ADAM23: variants seen among roughly 807,000 people sequenced by gnomAD.
ADAM23 encodes the protein disintegrin and metalloproteinase domain-containing protein 23.
In ADAM23, 33 loss-of-function variants were observed where a neutral mutation model predicts 120.1. The ratio of observed to expected loss-of-function variants is 0.27; its 90% CI spans 0.21 to 0.37. The LOEUF is 0.37. Among genes scored for constraint, ADAM23 ranks in the 10% least tolerant of loss-of-function variants. The pLI is 1.00. For synonymous variants in ADAM23, 367 were observed against 375.2 expected (o/e 0.98, Z 0.25); for missense variants, 862 against 1,058.2 (o/e 0.81, Z 2.57).
At chr2:206,594,633 C>T in intron 22 of ADAM23, 104 bp from the exon 23 acceptor site, 1 of 1,295,698 alleles carries the variant, frequency 7.7e-7, no homozygotes, top group Non-Finnish European at 1.1e-6. Flanking sequence ...GAGAAATCCA[C>T]ATCCACTGAC....
In ADAM23 at chr2:206,513,430, G is replaced by A. The variant is rs188449420; in HGVS notation, c.510-17455G>A. On this transcript the variant is annotated intron_variant, in intron 3 of 25. Transcript: ENST00000264377. ...CAAAACATTCCATTCAGTGAAAGCT[G>A]AATCCAGAGCATATCTCCCCTCAAT... Among the ~76,000 whole-genome samples, 126 of 152,254 alleles carry A rather than the reference G, an allele frequency of 8.3e-4. 1 individual carries two copies. The South Asian group carries it at 0.015, about 18-fold the overall frequency.
chr2:206,452,887 C>T (rs749641331), intron 2 of ADAM23, among the ~76,000 whole-genome samples: 3 of 152,158 alleles, frequency 2.0e-5, no homozygotes, highest in Admixed American at 6.5e-5. Flanking sequence ...ATGACTCCAT[C>T]CCTCCCCTCT....
chr2:206,547,319 CAT>C, intron 6 of ADAM23, 108 bp from the exon 7 acceptor site: 4 of 784,188 alleles, frequency 5.1e-6, no homozygotes, highest in East Asian at 2.8e-5. Flanking sequence ...AAAAAACTGA[CAT>C]ATAAATATTC....
At position 206,599,165 on chromosome 2, in the gene ADAM23, A is replaced by G. The variant is rs190654298; in HGVS notation, c.2359+3003A>G. ...GGTTACAGTGAGCCGAGATCGTGCC[A>G]TTGTACTCCAGCCTGGGTAACAGAG... is the stretch of plus-strand genomic sequence containing the variant. On this transcript the variant is annotated intron_variant, in intron 24 of 25. Coordinates refer to ENST00000264377, the MANE Select transcript of ADAM23 (RefSeq NM_003812.4). Among the ~76,000 whole-genome samples, 1,454 of 150,652 alleles carry G rather than the reference A, an allele frequency of 9.7e-3. 27 individuals are homozygous for G. The highest frequency in any genetic ancestry group is 0.033 in the African/African-American group (1,338 of 40,928).
chr2:206,536,496 T>C (rs984674372), intron 4 of ADAM23, among the ~76,000 whole-genome samples: 1 of 152,090 alleles, frequency 6.6e-6, no homozygotes, highest in African/African-American at 2.4e-5. Context: ...TGCAGTTATA[T>C]AGGCTCTAAG....
intron 18 of ADAM23, among the ~76,000 whole-genome samples, chr2:206,573,665 A>T (rs1157656829): frequency 3.9e-5 from 6 of 152,158 alleles, no homozygotes; most frequent in Non-Finnish European, 5.9e-5. Context: ...CATTGAAAAA[A>T]TAATATGTTC....
At chr2:206,543,073 A>G (rs1697325298) in intron 5 of ADAM23, among the ~76,000 whole-genome samples, 180 bp from the exon 6 acceptor site, 1 of 152,240 alleles carries the variant, frequency 6.6e-6, no homozygotes. Context: ...GCTGCCTAAT[A>G]GAGTGCTGGG....
chr2:206,448,335 A>G (rs1419729739), intron 2 of ADAM23, among the ~76,000 whole-genome samples: 2 of 152,218 alleles, frequency 1.3e-5, no homozygotes, highest in Admixed American at 1.3e-4. Context: ...TTTATTATAA[A>G]TTCTTTCTTG....
intron 3 of ADAM23, 148 bp from the exon 4 acceptor site, chr2:206,530,737 G>A (rs1273203404): frequency 3.3e-5 from 6 of 179,254 alleles, no homozygotes; most frequent in Admixed American, 7.8e-5. Flanking sequence ...TGTGAAACTC[G>A]ATGATAACCT....
chr2:206,589,931 T>G (rs924698012), intron 21 of ADAM23, among the ~76,000 whole-genome samples: 2 of 152,220 alleles, frequency 1.3e-5, no homozygotes, highest in Non-Finnish European at 2.9e-5. Flanking sequence ...GAAATCTTAC[T>G]GTGTTTTTTA....
At chr2:206,464,078 A>G (rs1695488238) in intron 2 of ADAM23, among the ~76,000 whole-genome samples, 1 of 152,130 alleles carries the variant, frequency 6.6e-6, no homozygotes, top group African/African-American at 2.4e-5. Context: ...GATACATATG[A>G]GCTCATTTGA....
chr2:206,530,249 G>T (rs887979838), intron 3 of ADAM23, among the ~76,000 whole-genome samples: 1 of 152,118 alleles, frequency 6.6e-6, no homozygotes, highest in African/African-American at 2.4e-5. Context: ...TTTACATACT[G>T]CCCGTGGCTG....
At chr2:206,458,969 C>T (rs1412560224) in intron 2 of ADAM23, among the ~76,000 whole-genome samples, 1 of 152,144 alleles carries the variant, frequency 6.6e-6, no homozygotes, top group African/African-American at 2.4e-5. Flanking sequence ...TATTTGGACA[C>T]TAGGACAATT....
chr2:206,463,800 G>T (rs536488538), intron 2 of ADAM23, among the ~76,000 whole-genome samples: 1 of 152,344 alleles, frequency 6.6e-6, no homozygotes, highest in Non-Finnish European at 1.5e-5. Context: ...AGACCTCGGG[G>T]TTTCACCCAT....
chr2:206,447,484 A>G (rs916582236), intron 2 of ADAM23, among the ~76,000 whole-genome samples: 20 of 152,240 alleles, frequency 1.3e-4, no homozygotes, highest in Admixed American at 1.0e-3. Flanking sequence ...GTGCTCCCGT[A>G]CAGGTATAGA....
chr2:206,540,649 C>T (rs1177508849), intron 4 of ADAM23, among the ~76,000 whole-genome samples: 1 of 152,024 alleles, frequency 6.6e-6, no homozygotes, highest in African/African-American at 2.4e-5. Flanking sequence ...GCTTTTCATG[C>T]TCTGCTAAGT....
chr2:206,546,525 C>G (rs886337791), intron 6 of ADAM23, among the ~76,000 whole-genome samples: 13 of 151,968 alleles, frequency 8.6e-5, no homozygotes, highest in Non-Finnish European at 1.2e-4. Context: ...GATTATAAAA[C>G]TAATATAGGA....
chr2:206,572,406 CAT>C (rs1213222759), intron 17 of ADAM23, among the ~76,000 whole-genome samples: 4 of 152,124 alleles, frequency 2.6e-5, no homozygotes, highest in Non-Finnish European at 4.4e-5. Flanking sequence ...TCCCTTTTCT[CAT>C]ATATATAACC....
At chr2:206,464,003 T>A (rs1695486835) in intron 2 of ADAM23, among the ~76,000 whole-genome samples, 1 of 152,248 alleles carries the variant, frequency 6.6e-6, no homozygotes, top group African/African-American at 2.4e-5. Context: ...AGCAGCTTTT[T>A]CGAAGATCAA....
Sources: gnomAD v4.1 joint callset for allele counts (sites outside exome capture counted in the v4.1 genomes callset) on GRCh38, gnomAD v4.1.1 for gene constraint, MANE v1.5 for transcripts, NCBI Gene and HGNC (gene_info 2026-07-23, HGNC 2026-07-21) for gene names.